The following KAZN variants were observed in gnomAD, a reference collection of about 807,000 sequenced individuals.
KAZN encodes kazrin.
Under a neutral mutation model 87.4 loss-of-function variants are expected in KAZN, and 40 were observed. The ratio of observed to expected loss-of-function variants is 0.46; its 90% CI spans 0.36 to 0.60. The LOEUF (loss-of-function observed/expected upper bound fraction) is 0.60, where lower values mean the gene tolerates loss of function less well. KAZN is among the 20% of genes least tolerant of loss of function. KAZN has a pLI of 0.00. For missense variants in KAZN, 898 were observed against 1,073.9 expected (o/e 0.84, Z 2.29); for synonymous variants, 466 against 458.3 (o/e 1.02, Z -0.22).
chr1:14,913,643 GGGCAA>G (rs1657481670), intron 1 of KAZN, among the ~76,000 whole-genome samples: 1 of 152,224 alleles, frequency 6.6e-6, no homozygotes, highest in Admixed American at 6.5e-5. Flanking sequence ...GGGCCACTGA[GGGCAA>G]GGTAAGGCCC....
intron 2 of KAZN, among the ~76,000 whole-genome samples, chr1:14,562,196 T>C (rs541239524): frequency 2.0e-5 from 3 of 152,252 alleles, no homozygotes; most frequent in Admixed American, 1.3e-4. Context: ...TTCATGCTAC[T>C]AACTTCTAAT....
At position 14,119,155 on chromosome 1, in the gene KAZN, T is replaced by A. The variant is rs1040575374; in HGVS notation, c.92-61280T>A. 4.6e-5 allele frequency among the ~76,000 whole-genome samples: 7 copies of A among 152,282 alleles called. No homozygotes were observed. The East Asian group carries it at 7.7e-4, about 17-fold the overall frequency. On this transcript the variant is annotated intron_variant, in intron 1 of 16. Coordinates refer to the KAZN transcript ENST00000636203. Reference sequence around the variant, plus strand: ...AAAACATTCAGCTCTAACCCCTTTTTAAAAAAATCTTCTTTCCCGCATGTT... The same window carrying A: ...AAAACATTCAGCTCTAACCCCTTTTAAAAAAAATCTTCTTTCCCGCATGTT...
Position 14,492,484 on chromosome 1 carries a change from C to T in KAZN, c.250-106499C>T, listed in dbSNP as rs975395213. 9.2e-5 allele frequency among the ~76,000 whole-genome samples: 14 copies of T among 151,482 alleles called. No individual in the cohort carries two copies. The East Asian group carries it at 2.8e-3, about 30-fold the overall frequency. On this transcript the variant is annotated intron_variant, in intron 2 of 16. Coordinates refer to the KAZN transcript ENST00000636203. ...GGGAAGAAGATGGAAAACGAGACTT[C>T]CCTTATGAAGCTTCTGTTCTACAGA... is the stretch of plus-strand genomic sequence containing the variant.
intron 2 of KAZN, among the ~76,000 whole-genome samples, chr1:14,588,195 C>T (rs1049648721): frequency 1.3e-5 from 2 of 152,208 alleles, no homozygotes; most frequent in African/African-American, 4.8e-5. Context: ...TGCCACTTCT[C>T]ATTTTCATAG....
intron 2 of KAZN, among the ~76,000 whole-genome samples, chr1:14,526,547 A>G (rs1671875327): frequency 6.6e-6 from 1 of 152,250 alleles, no homozygotes; most frequent in Non-Finnish European, 1.5e-5. Context: ...CCTCCGGGTC[A>G]TCTATAGCTG....
At chr1:14,970,858 T>C (rs1664952567) in intron 2 of KAZN, among the ~76,000 whole-genome samples, 1 of 152,176 alleles carries the variant, frequency 6.6e-6, no homozygotes, top group Non-Finnish European at 1.5e-5. Flanking sequence ...AGAGCTCAAC[T>C]CTTCTGTGTT....
At chr1:15,050,117 AGTAGAGTAG>A (rs1674179089) in intron 4 of KAZN, among the ~76,000 whole-genome samples, 2 of 73,218 alleles carry the variant, frequency 2.7e-5, no homozygotes, top group East Asian at 1.9e-3. Flanking sequence ...AGAGTAGAGT[AGTAGAGTAG>A]GTCTCCATCT....
At chr1:14,753,339 GAC>G (rs1266044198) in intron 1 of KAZN, among the ~76,000 whole-genome samples, 1 of 152,188 alleles carries the variant, frequency 6.6e-6, no homozygotes, top group Non-Finnish European at 1.5e-5. Context: ...TTACAAATGA[GAC>G]AGTGACAAAT....
At chr1:14,816,347 C>A (rs1476050935) in intron 1 of KAZN, among the ~76,000 whole-genome samples, 1 of 152,146 alleles carries the variant, frequency 6.6e-6, no homozygotes, top group African/African-American at 2.4e-5. Context: ...AGGCTGTGTT[C>A]TCATCTGGAG....
chr1:14,015,854 G>A (rs933889770), intron 1 of KAZN, among the ~76,000 whole-genome samples: 11 of 151,936 alleles, frequency 7.2e-5, no homozygotes, highest in Admixed American at 6.5e-4. Context: ...CTTTGCCCGA[G>A]CCTCAACAGC....
chr1:15,112,638 G>A, intron 14 of KAZN, 97 bp downstream of exon 14: 2 of 519,574 alleles, frequency 3.8e-6, no homozygotes, highest in South Asian at 2.5e-5. Context: ...GCTGGCCTGT[G>A]AAGGTGGAGT....
intron 1 of KAZN, among the ~76,000 whole-genome samples, chr1:14,951,131 G>A (rs1466226877): frequency 6.6e-6 from 1 of 152,076 alleles, no homozygotes; most frequent in African/African-American, 2.4e-5. Flanking sequence ...TTATCACCTG[G>A]GCAAAGGCGA....
At chr1:14,679,410 C>A (rs1640433637) in intron 1 of KAZN, among the ~76,000 whole-genome samples, 1 of 151,820 alleles carries the variant, frequency 6.6e-6, no homozygotes, top group South Asian at 2.1e-4. Context: ...GAATGCCTGG[C>A]CCTGGGGTGA....
Position 14,714,408 on chromosome 1 carries a change from G to GA in KAZN, c.226+115195dup, listed in dbSNP as rs965513389. 7.6e-4 allele frequency among the ~76,000 whole-genome samples: 114 copies of GA among 149,670 alleles called. 1 individual carries two copies. Among genetic ancestry groups the GA allele is most frequent in the Middle Eastern group, 3.4e-3 (1 of 294 alleles). On this transcript the variant is annotated intron_variant, in intron 1 of 14. Transcript: ENST00000376030. ...CATTATTAAAGAAACCCAAAGCAAA[G>GA]AAAAAAAAAATCCCTAAGCAGCCAG...
intron 1 of KAZN, among the ~76,000 whole-genome samples, chr1:14,879,587 A>C (rs2101093104): frequency 6.6e-6 from 1 of 152,350 alleles, no homozygotes; most frequent in South Asian, 2.1e-4. Flanking sequence ...TTTCAGGATC[A>C]GAAATGGCCT....
At chr1:14,585,509 G>A (rs767926310) in intron 2 of KAZN, among the ~76,000 whole-genome samples, 4 of 152,128 alleles carry the variant, frequency 2.6e-5, no homozygotes, top group African/African-American at 9.7e-5. Context: ...TCCCACGCAG[G>A]ATCACAGAGC....
intron 1 of KAZN, among the ~76,000 whole-genome samples, chr1:14,944,319 G>C (rs1297919382): frequency 6.6e-6 from 1 of 151,946 alleles, no homozygotes; most frequent in East Asian, 1.9e-4. Context: ...TGTAAGTGAA[G>C]TAAGGGTGTT....
chr1:15,094,505 C>A lies in KAZN; in HGVS notation c.1428+120C>A. 1.1e-6 allele frequency: 1 copy of A among 905,846 alleles called. No individual in the cohort carries two copies. The highest frequency in any genetic ancestry group is 1.7e-6 in the Non-Finnish European group (1 of 594,966). The allele number at this position is 905,846 out of a possible 1,614,324, so 56.1% of individuals were successfully genotyped here. A position where few individuals can be genotyped will look rare whatever the true frequency, so the allele number is the denominator to read the frequency against. ...GTCAGGAGAAGGTGCAATCTAGGAG[C>A]TAGCCAATGCAATCAGCCTCTGATG... is the stretch of plus-strand genomic sequence containing the variant. On this transcript the variant is annotated intron_variant, in intron 9 of 14. Transcript: ENST00000376030. The surrounding 1 kb of genome is among the most constrained non-coding windows in gnomAD (Gnocchi z 4.5).
chr1:14,176,215 C>T (rs949672698), intron 1 of KAZN, among the ~76,000 whole-genome samples: 4 of 152,106 alleles, frequency 2.6e-5, no homozygotes, highest in African/African-American at 9.7e-5. Context: ...TTTGGGTTCT[C>T]AGGGAGCTTA....
Sources: allele counts gnomAD v4.1 joint callset (sites outside exome capture counted in the v4.1 genomes callset), GRCh38; gene constraint gnomAD v4.1.1; non-coding constraint Gnocchi (gnomAD v3.1); transcripts MANE v1.5; gene names NCBI Gene and HGNC (gene_info 2026-07-23, HGNC 2026-07-21).